The following ADAM12 variants were observed in gnomAD, a reference collection of about 807,000 sequenced individuals.
The protein encoded by ADAM12 is disintegrin and metalloproteinase domain-containing protein 12.
In ADAM12, 70 loss-of-function variants were observed where a neutral mutation model predicts 106.4. The observed-to-expected ratio is 0.66, with a 90% CI of 0.54 to 0.80. The LOEUF (loss-of-function observed/expected upper bound fraction) is 0.80, where lower values mean the gene tolerates loss of function less well. ADAM12 is among the 30% of genes least tolerant of loss of function. ADAM12 has a pLI of 0.00. For missense variants in ADAM12, 1,010 were observed against 1,171.9 expected, an observed-to-expected ratio of 0.86 and a Z score of 2.02; for synonymous variants, 420 against 433.5, an observed-to-expected ratio of 0.97 and a Z score of 0.39.
At chr10:126,026,027 C>G (rs57752051) in intron 21 of ADAM12, among the ~76,000 whole-genome samples, 5,150 of 152,206 alleles carry the variant, frequency 0.034, 269 homozygotes, top group African/African-American at 0.11. Flanking sequence ...GATTTTCCAA[C>G]CCAGAATTTC....
At chr10:126,069,546 T>C (rs114647778) in intron 12 of ADAM12, among the ~76,000 whole-genome samples, 3 of 152,350 alleles carry the variant, frequency 2.0e-5, no homozygotes, top group Admixed American at 6.5e-5. Flanking sequence ...TCAAGCCGCA[T>C]GACTCCTTCA....
intron 3 of ADAM12, among the ~76,000 whole-genome samples, chr10:126,246,063 C>T (rs1958623456): frequency 6.6e-6 from 1 of 151,970 alleles, no homozygotes; most frequent in Admixed American, 6.6e-5. Flanking sequence ...GGAAGGAGTA[C>T]ACAGGGAAGG....
intron 3 of ADAM12, among the ~76,000 whole-genome samples, chr10:126,163,466 G>T (rs1369924226): frequency 1.3e-5 from 2 of 152,228 alleles, no homozygotes; most frequent in Non-Finnish European, 2.9e-5. Flanking sequence ...TGTAGGTAAA[G>T]TTCTTCCTGA....
At chr10:126,113,264 C>T (rs907319853) in intron 6 of ADAM12, among the ~76,000 whole-genome samples, 5 of 152,002 alleles carry the variant, frequency 3.3e-5, no homozygotes, top group South Asian at 2.1e-4. Flanking sequence ...CAAGAGTGGA[C>T]GAGAGGAGGT....
chr10:126,197,355 A>C (rs1389552765), intron 3 of ADAM12, among the ~76,000 whole-genome samples: 1 of 152,134 alleles, frequency 6.6e-6, no homozygotes, highest in Non-Finnish European at 1.5e-5. Context: ...AGAACATAGA[A>C]CAAGCTCGGG....
chr10:126,383,293 T>G (rs1394470646), intron 1 of ADAM12, among the ~76,000 whole-genome samples: 1 of 151,856 alleles, frequency 6.6e-6, no homozygotes, highest in Non-Finnish European at 1.5e-5. Flanking sequence ...GGTTGGGAAA[T>G]GAAATTAAAT....
chr10:126,227,113 C>T (rs1395258919), intron 3 of ADAM12, among the ~76,000 whole-genome samples: 2 of 152,074 alleles, frequency 1.3e-5, no homozygotes, highest in Non-Finnish European at 2.9e-5. Context: ...TCACCAACAT[C>T]ACCACCACCA....
rs1954562621 is a variant in ADAM12, at chr10:126,053,722, TGAGA to T, written c.1610-4057_1610-4054del. 6.6e-6 allele frequency among the ~76,000 whole-genome samples: 1 copy of T among 152,128 alleles called. No individual in the cohort carries two copies. Among genetic ancestry groups the T allele is most frequent in the Non-Finnish European group, 1.5e-5 (1 of 67,996 alleles). On this transcript the variant is annotated intron_variant, in intron 14 of 22. Transcript: ENST00000448723. This position sits in a 1 kb window ranked among gnomAD's most constrained non-coding sequence, Gnocchi z 4.6. ...TTGGTCTCAGTCTTTTTATTTTTTTTGAGAGAGAGTTTCGCTCTTGTTGCCCAGG... is the reference window on the plus strand; with the variant it reads ...TTGGTCTCAGTCTTTTTATTTTTTTTGAGAGTTTCGCTCTTGTTGCCCAGG...
intron 3 of ADAM12, among the ~76,000 whole-genome samples, chr10:126,246,170 A>G (rs1387698627): frequency 2.0e-5 from 3 of 152,186 alleles, no homozygotes; most frequent in Non-Finnish European, 2.9e-5. Flanking sequence ...CCTAAGATAC[A>G]GGTGAACAAA....
At chr10:126,076,949 G>A (rs762996655) in intron 11 of ADAM12, among the ~76,000 whole-genome samples, 22 of 152,134 alleles carry the variant, frequency 1.4e-4, no homozygotes, top group Non-Finnish European at 2.5e-4. Flanking sequence ...AATAGGAAAA[G>A]AAGAAGTCAA....
At chr10:126,359,145 G>A (rs1389505016) in intron 1 of ADAM12, among the ~76,000 whole-genome samples, 1 of 149,122 alleles carries the variant, frequency 6.7e-6, no homozygotes, top group Admixed American at 6.6e-5. Flanking sequence ...GGAATGACCT[G>A]CACCCATGAT....
intron 3 of ADAM12, among the ~76,000 whole-genome samples, chr10:126,246,698 A>C (rs934161525): frequency 6.6e-6 from 1 of 152,260 alleles, no homozygotes; most frequent in Admixed American, 6.5e-5. Flanking sequence ...CTCATGTTAA[A>C]AACTTTCAAT....
intron 2 of ADAM12, among the ~76,000 whole-genome samples, chr10:126,324,532 G>A (rs1854221534): frequency 6.6e-6 from 1 of 152,192 alleles, no homozygotes; most frequent in African/African-American, 2.4e-5. Flanking sequence ...AGCAGGAAGG[G>A]AACAGGTTCT....
At chr10:126,278,299 C>T (rs1230387928) in intron 3 of ADAM12, among the ~76,000 whole-genome samples, 2 of 152,050 alleles carry the variant, frequency 1.3e-5, no homozygotes, top group African/African-American at 2.4e-5. Context: ...AATAAGAAAA[C>T]GAGTTGTTTG....
At chr10:126,168,822 G>A (rs1184783320) in intron 3 of ADAM12, among the ~76,000 whole-genome samples, 1 of 152,164 alleles carries the variant, frequency 6.6e-6, no homozygotes, top group East Asian at 1.9e-4. Context: ...GGAGGCTGAG[G>A]CGGGCGGATC....
In ADAM12 at chr10:126,016,217, A is replaced by G. The variant is rs2133367702; in HGVS notation, c.*1062T>C. 6.6e-6 allele frequency: 1 copy of G among 151,912 alleles called. No homozygotes were observed. The highest frequency in any genetic ancestry group is 2.1e-4 in the South Asian group (1 of 4,830). The allele number at this position is 151,912 out of a possible 1,614,324, so 9.4% of individuals were successfully genotyped here. ...TCCATTGGTTGTAGTTTTTGCAAGC[A>G]TAAAGAGTCTGCCTAATTGTTAATA... On this transcript the variant is annotated 3_prime_UTR_variant, in exon 23 of 23. Transcript: ENST00000448723.
chr10:126,280,049 G>T (rs1210976016), intron 2 of ADAM12, among the ~76,000 whole-genome samples: 1 of 152,172 alleles, frequency 6.6e-6, no homozygotes, highest in Non-Finnish European at 1.5e-5. Context: ...GAGCTCGAAA[G>T]ATCTTTTCAC....
chr10:126,100,751 T>C (rs1253340314), intron 9 of ADAM12, among the ~76,000 whole-genome samples: 1 of 151,716 alleles, frequency 6.6e-6, no homozygotes, highest in Non-Finnish European at 1.5e-5. Context: ...AACAAAAAAA[T>C]AGGCTACTCA....
chr10:126,198,785 A>G (rs1224845835), intron 3 of ADAM12, among the ~76,000 whole-genome samples: 1 of 151,970 alleles, frequency 6.6e-6, no homozygotes, highest in Non-Finnish European at 1.5e-5. Flanking sequence ...TTTTCTTTAA[A>G]CCCCACCAAA....
Sources: gnomAD v4.1 joint callset for allele counts (sites outside exome capture counted in the v4.1 genomes callset) on GRCh38, gnomAD v4.1.1 for gene constraint, Gnocchi (gnomAD v3.1) non-coding constraint, MANE v1.5 for transcripts, NCBI Gene and HGNC (gene_info 2026-07-23, HGNC 2026-07-21) for gene names.